The following LBR variants were observed in gnomAD, a reference collection of about 807,000 sequenced individuals.
LBR encodes the protein lamin B receptor.
A neutral mutation model predicts 74.3 loss-of-function variants in LBR; 28 were observed. The ratio of observed to expected loss-of-function variants is 0.38; its 90% CI spans 0.28 to 0.52. The LOEUF is 0.52. LBR is among the 20% of genes least tolerant of loss of function. LBR has a pLI of 0.89. For missense variants in LBR, 717 were observed against 760.3 expected, an observed-to-expected ratio of 0.94 and a Z score of 0.67; for synonymous variants, 228 against 269.3, an observed-to-expected ratio of 0.85 and a Z score of 1.50.
At chr1:225,408,080 G>A (rs774582494) in intron 10 of LBR, among the ~76,000 whole-genome samples, 4 of 152,142 alleles carry the variant, frequency 2.6e-5, no homozygotes, top group African/African-American at 7.2e-5. Context: ...ATGTATCACT[G>A]TTAACTATAG....
At chr1:225,404,358 T>C in intron 13 of LBR, 46 bp downstream of exon 13, 1 of 1,612,438 alleles carries the variant, frequency 6.2e-7, no homozygotes, top group Non-Finnish European at 8.5e-7. Context: ...CACACATCTT[T>C]CTGGCGGCTA....
intron 9 of LBR, among the ~76,000 whole-genome samples, chr1:225,411,049 A>AT: frequency 6.6e-6 from 1 of 152,346 alleles, no homozygotes; most frequent in East Asian, 1.9e-4. Flanking sequence ...AGGAAAATGC[A>AT]TTTTTTCTTA....
chr1:225,417,425 T>G (rs2096119470), intron 6 of LBR: 1 of 152,336 alleles, frequency 6.6e-6, no homozygotes, highest in South Asian at 2.1e-4. Flanking sequence ...AGACAAATTT[T>G]AAAGATATTG....
chr1:225,419,336 T>C lies in LBR; in HGVS notation c.567A>G (p.Ala189=). 1 of 1,614,252 alleles carries C rather than the reference T, an allele frequency of 6.2e-7. No individual in the cohort carries two copies. The highest frequency in any genetic ancestry group is 1.1e-5 in the South Asian group (1 of 91,088). Residue 189 remains alanine, a synonymous_variant, in exon 5 of 14, where the codon GCA becomes GCG. Transcript: ENST00000272163. ...EIDSKEEKYV[A]KELAVRTFEV... ...CAAAGGTTCTCACTGCCAGTTCTTT[T>C]GCAACGTATTTTTCTTCCTTAGAAT...
At chr1:225,423,535 G>GCTGTTTTTC (rs2096132544) in intron 2 of LBR, among the ~76,000 whole-genome samples, 1 of 151,760 alleles carries the variant, frequency 6.6e-6, no homozygotes. Context: ...CCCATCAACT[G>GCTGTTTTTC]CTGTTTTTCC....
intron 7 of LBR, chr1:225,414,090 A>G: frequency 4.4e-6 from 2 of 456,746 alleles, no homozygotes; most frequent in Non-Finnish European, 8.8e-6. Context: ...GAGGGTGCCA[A>G]AGGTTCTAAA....
chr1:225,410,680 A>G (rs1011864106), intron 9 of LBR, among the ~76,000 whole-genome samples: 1 of 152,242 alleles, frequency 6.6e-6, no homozygotes, highest in Non-Finnish European at 1.5e-5. Context: ...AAACTGAGGG[A>G]CACTTACAAA....
Position 225,419,247 on chromosome 1 carries a change from C to G in LBR, c.640+16G>C. The G allele has an allele frequency of 6.2e-7, 1 of 1,613,840 alleles. No homozygotes were observed. Among genetic ancestry groups the G allele is most frequent in the Non-Finnish European group, 8.5e-7 (1 of 1,179,706 alleles). On this transcript the variant is annotated intron_variant, in intron 5 of 13. Coordinates refer to ENST00000272163, the MANE Select transcript of LBR (RefSeq NM_002296.4). ...TCACCCCACCTGCCCTCTCTGGGCC[C>G]AGCTCTGAGGCCTACCAGGTACTCC...
intron 6 of LBR, among the ~76,000 whole-genome samples, chr1:225,416,213 A>AAGAGAGAG (rs900533691): frequency 7.3e-6 from 1 of 137,860 alleles, no homozygotes; most frequent in East Asian, 2.2e-4. Context: ...AAAAAAAAAA[A>AAGAGAGAG]AGAGAGAGAG....
chr1:225,423,565 G>A, intron 2 of LBR, among the ~76,000 whole-genome samples: 1 of 152,118 alleles, frequency 6.6e-6, no homozygotes. Context: ...TCAGCACTTG[G>A]CTAGGTGTCA....
chr1:225,406,180 A>G (rs2096091156), intron 11 of LBR, among the ~76,000 whole-genome samples: 1 of 152,138 alleles, frequency 6.6e-6, no homozygotes, highest in Non-Finnish European at 1.5e-5. Context: ...ATCCTCCGAT[A>G]AGTTCACACT....
chr1:225,409,792 G>A (rs545463928), intron 10 of LBR, among the ~76,000 whole-genome samples: 62 of 152,190 alleles, frequency 4.1e-4, no homozygotes, highest in Middle Eastern at 3.4e-3. Flanking sequence ...GACACAAGAT[G>A]GAAACTTAGC....
At chr1:225,425,705 C>T (rs985996299) in intron 1 of LBR, among the ~76,000 whole-genome samples, 4 of 151,782 alleles carry the variant, frequency 2.6e-5, no homozygotes, top group African/African-American at 9.7e-5. Context: ...TCTTGAGCCC[C>T]CTCCTCCTCC....
chr1:225,426,716 G>A (rs1483699144), intron 1 of LBR, among the ~76,000 whole-genome samples: 3 of 152,110 alleles, frequency 2.0e-5, no homozygotes, highest in Admixed American at 2.0e-4. Flanking sequence ...CCTGAGCCCC[G>A]GTAGCCCCAC....
chr1:225,424,602 G>C (rs2096135640), intron 1 of LBR, among the ~76,000 whole-genome samples: 1 of 152,054 alleles, frequency 6.6e-6, no homozygotes, highest in Admixed American at 6.5e-5. Flanking sequence ...ATAAATTTGG[G>C]GGTTATTTAG....
intron 6 of LBR, among the ~76,000 whole-genome samples, chr1:225,417,185 A>C (rs1326470955): frequency 6.6e-6 from 1 of 152,206 alleles, no homozygotes; most frequent in African/African-American, 2.4e-5. Context: ...TAGAGCCACT[A>C]AAGTTATGGT....
chr1:225,403,276 G>GT lies in LBR; in HGVS notation c.*26dup. 6.2e-7 allele frequency: 1 copy of GT among 1,608,068 alleles called. No homozygotes were observed. Among genetic ancestry groups the GT allele is most frequent in the South Asian group, 1.1e-5 (1 of 90,948 alleles). ...GCAAATGGCAGCTGGAATTGCAGGA[G>GT]TATTTTGTAGAAAAGCCAGAAGAGC... On this transcript the variant is annotated 3_prime_UTR_variant, in exon 14 of 14. Coordinates refer to ENST00000272163, the MANE Select transcript of LBR (RefSeq NM_002296.4).
chr1:225,428,301 A>G (rs1057079635), upstream of LBR, among the ~76,000 whole-genome samples: 1 of 151,966 alleles, frequency 6.6e-6, no homozygotes, highest in African/African-American at 2.4e-5. Flanking sequence ...GGCGGCCCGG[A>G]GCGCGACGTT....
In LBR at chr1:225,419,273, T is replaced by G. The variant is rs2096123098; in HGVS notation, c.630A>C (p.Gly210=). The G allele has an allele frequency of 6.2e-7, 1 of 1,614,186 alleles. No homozygotes were observed. Among genetic ancestry groups the G allele is most frequent in the South Asian group, 1.1e-5 (1 of 91,082 alleles). ...AGCTCTGAGGCCTACCAGGTACTCC[T>G]CCAAACTCCAAGTCCTTTGCCCGGA... ...TPIRAKDLEF[G]GVPGVFLIMF... The change falls in exon 5 of 14, where the codon GGA becomes GGC. Residue 210 remains glycine, a synonymous_variant. Coordinates refer to ENST00000272163, the MANE Select transcript of LBR (RefSeq NM_002296.4).
Sources: gnomAD v4.1 joint callset for allele counts (sites outside exome capture counted in the v4.1 genomes callset) on GRCh38, gnomAD v4.1.1 for gene constraint, MANE v1.5 for transcripts, NCBI Gene and HGNC (gene_info 2026-07-23, HGNC 2026-07-21) for gene names.